NUDT2: variants seen among roughly 807,000 people sequenced by gnomAD.
NUDT2 encodes the protein bis(5'-nucleosyl)-tetraphosphatase [asymmetrical].
NUDT2 carries 12 observed loss-of-function variants against 14.2 expected under a neutral mutation model. That is an observed-to-expected ratio of 0.84 (90% CI 0.54 to 1.37). The LOEUF is 1.37. NUDT2 is among the 40% of genes most tolerant of loss of function. NUDT2 has a pLI of 0.00. For missense variants in NUDT2, 167 were observed against 176.7 expected, an observed-to-expected ratio of 0.95 and a Z score of 0.31; for synonymous variants, 67 against 67.4, an observed-to-expected ratio of 0.99 and a Z score of 0.03.
chr9:34,331,816 C>T (rs963214361), intron 1 of NUDT2, among the ~76,000 whole-genome samples: 3 of 152,046 alleles, frequency 2.0e-5, no homozygotes, highest in Admixed American at 6.6e-5. Context: ...TCAACTTGTC[C>T]CAAACAAATG....
At chr9:34,329,626 T>C (rs1837820453) in intron 1 of NUDT2, 27 bp downstream of exon 1, 1 of 152,250 alleles carries the variant, frequency 6.6e-6, no homozygotes, top group East Asian at 1.9e-4. Flanking sequence ...GCCCACTTGA[T>C]TTTAGTTCTC....
intron 4 of NUDT2, among the ~76,000 whole-genome samples, chr9:34,341,761 C>T (rs1011788800): frequency 6.6e-5 from 10 of 152,160 alleles, no homozygotes; most frequent in South Asian, 4.1e-4. Flanking sequence ...CCACCCGCCT[C>T]GGCCTCCCAG....
In NUDT2 at chr9:34,343,124, G is replaced by T. The variant is rs1229473374; in HGVS notation, c.128G>T (p.Gly43Val). 6.2e-7 allele frequency: 1 copy of T among 1,610,752 alleles called. No individual in the cohort carries two copies. The highest frequency in any genetic ancestry group is 8.5e-7 in the Non-Finnish European group (1 of 1,177,760). ...DGIHHWTPPKGHVEPGEDDLE... is the reference protein window; with the variant it reads ...DGIHHWTPPKVHVEPGEDDLE... The stretch of plus-strand genomic sequence containing the variant: ...TTTCTTCCTCTTTTCTCCTAACTAG[G>T]CCATGTGGAACCAGGAGAGGATGAC... The change falls in exon 5 of 5, where the codon GGC becomes GTC. Residue 43 changes from glycine to valine, a missense_variant and splice_region_variant. Transcript: ENST00000379158.
At chr9:34,332,589 C>T (rs1837974839) in intron 1 of NUDT2, among the ~76,000 whole-genome samples, 1 of 152,168 alleles carries the variant, frequency 6.6e-6, no homozygotes. Flanking sequence ...TAACAAATCC[C>T]CTTCACTAAG....
intron 1 of NUDT2, among the ~76,000 whole-genome samples, chr9:34,332,396 C>G (rs1055857593): frequency 6.6e-6 from 1 of 152,180 alleles, no homozygotes; most frequent in Non-Finnish European, 1.5e-5. Flanking sequence ...TGTAACTTGT[C>G]TGTTGGAATG....
At chr9:34,332,271 A>T (rs1367321512) in intron 1 of NUDT2, among the ~76,000 whole-genome samples, 1 of 152,200 alleles carries the variant, frequency 6.6e-6, no homozygotes. Context: ...AGTGCCTTGC[A>T]TCCGCCTCCC....
At chr9:34,342,354 C>A (rs1820212516) in intron 4 of NUDT2, among the ~76,000 whole-genome samples, 1 of 152,148 alleles carries the variant, frequency 6.6e-6, no homozygotes, top group African/African-American at 2.4e-5. Flanking sequence ...AATGTTAAGT[C>A]CTCACTGGAT....
chr9:34,339,100 A>C lies in NUDT2; in HGVS notation c.61A>C (p.Asn21His), dbSNP rs556247844. The C allele has an allele frequency of 1.1e-5, 18 of 1,614,198 alleles. No homozygotes were observed. In the African/African-American group the frequency reaches 2.1e-4, roughly 19 times the overall value. The change falls in exon 4 of 5, where the codon AAC (asparagine) becomes CAC (histidine). Residue 21 changes from asparagine (N) to histidine (H), a missense_variant. Physicochemically the swap from Asn to His is moderately conservative, Grantham distance 68. Coordinates refer to ENST00000379158, the MANE Select transcript of NUDT2 (RefSeq NM_001161.5). ...AAGATGCCTCATTCCCAAAGTGGAC[A>C]ACAATGCAATTGAGTTTTTACTGCT... ...FRRCLIPKVD[N>H]NAIEFLLLQA...
rs2131856446 is a variant in NUDT2 at position 34,335,915 on chromosome 9, T to A, written c.-264-314T>A. ...CTAACCCAGGCTTGTCTTTCTTGGC[T>A]CCCCATGCAGGCATCTTTGCTTGTC... On this transcript the variant is annotated intron_variant, in intron 1 of 4. Coordinates refer to ENST00000379158, the MANE Select transcript of NUDT2 (RefSeq NM_001161.5). Among the ~76,000 whole-genome samples the A allele has an allele frequency of 2.0e-5, 3 of 152,232 alleles. No individual in the cohort carries two copies. The South Asian group carries it at 6.2e-4, about 32-fold the overall frequency.
chr9:34,337,865 G>A lies in NUDT2; in HGVS notation c.-151-848G>A, dbSNP rs1402887438. Among the ~76,000 whole-genome samples the A allele has an allele frequency of 4.6e-5, 7 of 152,088 alleles. No individual in the cohort carries two copies. The East Asian group carries it at 1.2e-3, about 25-fold the overall frequency. On this transcript the variant is annotated intron_variant, in intron 2 of 4. Transcript: ENST00000379158. ...GGACCACTTCTTTTTTTGAGACAGA[G>A]TCTCACTCTGTCGCCAAGCTGGAGT...
At chr9:34,335,101 C>G (rs190915134) in intron 1 of NUDT2, among the ~76,000 whole-genome samples, 18 of 152,344 alleles carry the variant, frequency 1.2e-4, no homozygotes, top group Non-Finnish European at 1.9e-4. Context: ...CCTCTGAGTC[C>G]TGGGCCATGT....
chr9:34,343,265 C>T lies in NUDT2; in HGVS notation c.269C>T (p.Thr90Ile). 6.2e-7 allele frequency: 1 copy of T among 1,614,100 alleles called. No homozygotes were observed. Among genetic ancestry groups the T allele is most frequent in the Non-Finnish European group, 8.5e-7 (1 of 1,180,028 alleles). The change falls in exon 5 of 5, where the codon ACA becomes ATA. Residue 90 changes from threonine to isoleucine, a missense_variant. Thr to Ile is a moderately conservative substitution (Grantham distance 89). Transcript: ENST00000379158. The part of the protein sequence containing the change: ...LNYVARNKPK[T>I]VIYWLAEVKD... ...TATGTGGCCAGGAACAAGCCTAAAA[C>T]AGTCATTTACTGGCTGGCGGAGGTG...
At position 34,343,243 on chromosome 9, in the gene NUDT2, G is replaced by T; in HGVS notation, c.247G>T (p.Val83Leu). 1.2e-6 allele frequency: 2 copies of T among 1,614,086 alleles called. No homozygotes were observed. The highest frequency in any genetic ancestry group is 1.7e-6 in the Non-Finnish European group (2 of 1,180,036). ...IEGFKRELNY[V>L]ARNKPKTVIY... Reference sequence around the variant, plus strand: ...GGGGTTCAAAAGGGAACTCAATTATGTGGCCAGGAACAAGCCTAAAACAGT... The same window carrying T: ...GGGGTTCAAAAGGGAACTCAATTATTTGGCCAGGAACAAGCCTAAAACAGT... Residue 83 changes from valine to leucine, a missense_variant, in exon 5 of 5, where the codon GTG becomes TTG. Val to Leu is a conservative substitution (Grantham distance 32, BLOSUM62 1). Transcript: ENST00000379158.
rs138767351 is a variant in NUDT2 at position 34,338,507 on chromosome 9, CAAAAA to C, written c.-151-195_-151-191del. 5.8e-5 allele frequency among the ~76,000 whole-genome samples: 7 copies of C among 120,510 alleles called. No individual in the cohort carries two copies. In the East Asian group the frequency reaches 1.6e-3, roughly 27 times the overall value. The allele number at this position is 120,510 out of a possible 152,430, so 79.1% of individuals were successfully genotyped here. ...TGGTCAACAGTGCTAGACCCTGTCT[CAAAAA>C]AAAAAAAAAACTCAACGAAATATTT... On this transcript the variant is annotated intron_variant, in intron 2 of 4. Coordinates refer to ENST00000379158, the MANE Select transcript of NUDT2 (RefSeq NM_001161.5).
At chr9:34,341,754 C>T (rs1820191345) in intron 4 of NUDT2, among the ~76,000 whole-genome samples, 1 of 152,192 alleles carries the variant, frequency 6.6e-6, no homozygotes, top group Admixed American at 6.5e-5. Flanking sequence ...AGATGATCCA[C>T]CCGCCTCGGC....
At chr9:34,340,714 C>A (rs2131861113) in intron 4 of NUDT2, among the ~76,000 whole-genome samples, 1 of 152,324 alleles carries the variant, frequency 6.6e-6, no homozygotes, top group Admixed American at 6.5e-5. Context: ...AAAAGGAGCC[C>A]TTCTTGGCTG....
chr9:34,333,580 G>C (rs1231252678), intron 1 of NUDT2, among the ~76,000 whole-genome samples: 1 of 136,296 alleles, frequency 7.3e-6, no homozygotes, highest in Non-Finnish European at 1.5e-5. Flanking sequence ...GTGAGCTCTT[G>C]AGGCTGCAGT....
rs1420474222 is a variant in NUDT2 at position 34,343,472 on chromosome 9, G to C, written c.*32G>C. On this transcript the variant is annotated 3_prime_UTR_variant, in exon 5 of 5. Transcript: ENST00000379158. ...TGGAGCAGAGTCATTTGCTTCAGCA[G>C]GATCCTTGTGGGCCTTCTAAGATGA... is the stretch of plus-strand genomic sequence containing the variant. 2.7e-5 allele frequency: 41 copies of C among 1,519,330 alleles called. No homozygotes were observed. Among genetic ancestry groups the C allele is most frequent in the Non-Finnish European group, 3.2e-5 (36 of 1,130,714 alleles). 94.1% of individuals were successfully genotyped at this position (1,519,330 alleles called of 1,614,324 possible).
chr9:34,332,323 G>T (rs1837964035), intron 1 of NUDT2, among the ~76,000 whole-genome samples: 1 of 152,140 alleles, frequency 6.6e-6, no homozygotes, highest in Non-Finnish European at 1.5e-5. Context: ...TCCTTATGGG[G>T]TACCTTGTTA....
Sources: allele counts gnomAD v4.1 joint callset (sites outside exome capture counted in the v4.1 genomes callset), GRCh38; gene constraint gnomAD v4.1.1; transcripts MANE v1.5; gene names NCBI Gene and HGNC (gene_info 2026-07-23, HGNC 2026-07-21).